Variants in NCALD observed in about 807,000 individuals in gnomAD.
The protein encoded by NCALD is neurocalcin-delta.
In NCALD, 10 loss-of-function variants were observed where a neutral mutation model predicts 18.6. That is an observed-to-expected ratio of 0.54 (90% confidence interval 0.33 to 0.91). NCALD has a LOEUF of 0.91. NCALD is among the 40% of genes least tolerant of loss of function. The probability of loss-of-function intolerance (pLI) is 0.03; values close to 1 mark genes in which losing one functional copy is unlikely to be tolerated. For missense variants in NCALD, 184 were observed against 247.6 expected (o/e 0.74, Z 1.72); for synonymous variants, 88 against 87.4 (o/e 1.01, Z -0.04).
chr8:101,701,086 A>G (rs951033500), intron 2 of NCALD, among the ~76,000 whole-genome samples: 3 of 152,218 alleles, frequency 2.0e-5, no homozygotes, highest in Admixed American at 6.5e-5. Context: ...ACGAGTCCCA[A>G]TGGCCCCCAG....
intron 3 of NCALD, among the ~76,000 whole-genome samples, chr8:101,901,798 CT>C (rs111894898): frequency 4.7e-5 from 7 of 148,780 alleles, no homozygotes; most frequent in Non-Finnish European, 6.0e-5. Flanking sequence ...CTTTTCTCTT[CT>C]TTTTTTTTTG....
At chr8:101,738,402 G>T (rs1319762774) in intron 1 of NCALD, among the ~76,000 whole-genome samples, 3 of 152,020 alleles carry the variant, frequency 2.0e-5, no homozygotes, top group African/African-American at 7.2e-5. Context: ...AAATTAGCTG[G>T]GCGTGGTGGC....
At chr8:101,905,215 A>G (rs998628425) in intron 3 of NCALD, among the ~76,000 whole-genome samples, 1 of 152,026 alleles carries the variant, frequency 6.6e-6, no homozygotes, top group Non-Finnish European at 1.5e-5. Flanking sequence ...CATGGCTTCT[A>G]TGATTATCTT....
chr8:101,999,909 C>A (rs950578907), intron 2 of NCALD, among the ~76,000 whole-genome samples: 2 of 152,026 alleles, frequency 1.3e-5, no homozygotes, highest in African/African-American at 4.8e-5. Flanking sequence ...GGGGGTGGAA[C>A]CAAGATGGCA....
intron 2 of NCALD, among the ~76,000 whole-genome samples, chr8:101,916,449 T>C (rs1817973621): frequency 6.6e-6 from 1 of 152,058 alleles, no homozygotes; most frequent in African/African-American, 2.4e-5. Flanking sequence ...ACAGACTCTA[T>C]AAAACAACTA....
At chr8:102,028,098 A>G (rs1822526438) in intron 1 of NCALD, among the ~76,000 whole-genome samples, 1 of 152,254 alleles carries the variant, frequency 6.6e-6, no homozygotes, top group Admixed American at 6.5e-5. Context: ...TAGGTGTAAT[A>G]ATGATACTGT....
In NCALD at chr8:101,691,215, T is replaced by C. The variant is rs545352944; in HGVS notation, c.484+1576A>G. The C allele has an allele frequency of 5.1e-6, 5 of 985,364 alleles. No individual in the cohort carries two copies. The African/African-American group carries it at 8.7e-5, about 17-fold the overall frequency. The allele number at this position is 985,364 out of a possible 1,614,324, so 61.0% of individuals were successfully genotyped here. ...AAGATTCCTCTGACAGCTGTGAACT[T>C]ACAGCCCCTCTTCCTCCTTCCTTCT... On this transcript the variant is annotated intron_variant, in intron 3 of 3. Coordinates refer to ENST00000220931, the MANE Select transcript of NCALD (RefSeq NM_032041.3).
At chr8:101,880,727 G>A (rs183998673) in intron 4 of NCALD, among the ~76,000 whole-genome samples, 2 of 152,320 alleles carry the variant, frequency 1.3e-5, no homozygotes, top group South Asian at 2.1e-4. Flanking sequence ...GAAAATTTGA[G>A]AATGTTTTGT....
Position 101,689,350 on chromosome 8 carries a change from G to A in NCALD, c.541C>T (p.Arg181Cys), listed in dbSNP as rs781227546. 5 of 1,613,416 alleles carry A rather than the reference G, an allele frequency of 3.1e-6. No individual in the cohort carries two copies. Among genetic ancestry groups the A allele is most frequent in the Non-Finnish European group, 4.2e-6 (5 of 1,179,708 alleles). The change falls in exon 4 of 4, where the codon CGC (arginine) becomes TGC (cysteine). Residue 181 changes from arginine (R) to cysteine (C), a missense_variant. Physicochemically the swap from Arg to Cys is radical, Grantham distance 180 (BLOSUM62 -3). Coordinates refer to ENST00000220931, the MANE Select transcript of NCALD (RefSeq NM_032041.3). The surrounding 1 kb of genome is among the most constrained non-coding windows in gnomAD (Gnocchi z 4.4). ...RGAKSDPSIVRLLQCDPSSAG... is the reference protein window; with the variant it reads ...RGAKSDPSIVCLLQCDPSSAG... ...CTGCTCGGGTCGCACTGCAGGAGGC[G>A]CACAATGGACGGGTCGCTTTTGGCT...
At chr8:102,096,773 T>G (rs1825116536) in intron 1 of NCALD, among the ~76,000 whole-genome samples, 1 of 152,348 alleles carries the variant, frequency 6.6e-6, no homozygotes, top group Non-Finnish European at 1.5e-5. Context: ...CTTGAGCCCC[T>G]GTGCTGGGGC....
chr8:101,883,778 A>G (rs1346969103), intron 4 of NCALD, among the ~76,000 whole-genome samples: 1 of 152,248 alleles, frequency 6.6e-6, no homozygotes, highest in Non-Finnish European at 1.5e-5. Flanking sequence ...GCAAAAACTT[A>G]GTATAAAACC....
chr8:102,050,412 C>T (rs972669310), intron 1 of NCALD, among the ~76,000 whole-genome samples: 11 of 150,754 alleles, frequency 7.3e-5, no homozygotes, highest in Non-Finnish European at 1.3e-4. Flanking sequence ...GTAATTGATA[C>T]TGCAAGGTGA....
intron 4 of NCALD, among the ~76,000 whole-genome samples, chr8:101,850,627 T>C (rs1815055205): frequency 6.6e-6 from 1 of 152,100 alleles, no homozygotes; most frequent in Non-Finnish European, 1.5e-5. Context: ...CATAATAAGG[T>C]AGAAGATATA....
intron 1 of NCALD, among the ~76,000 whole-genome samples, chr8:101,780,726 C>G (rs6468793): frequency 7.2e-5 from 11 of 152,168 alleles, no homozygotes; most frequent in Middle Eastern, 3.4e-3. Context: ...AAATTTTACA[C>G]GCATATTTTA....
intron 4 of NCALD, among the ~76,000 whole-genome samples, chr8:101,861,014 T>C (rs1229985855): frequency 2.0e-5 from 3 of 152,016 alleles, no homozygotes; most frequent in African/African-American, 7.3e-5. Flanking sequence ...GCCAAGGTAA[T>C]ATATTTAAAA....
At chr8:101,759,414 A>C (rs1811022091) in intron 1 of NCALD, among the ~76,000 whole-genome samples, 1 of 152,160 alleles carries the variant, frequency 6.6e-6, no homozygotes, top group Admixed American at 6.5e-5. Context: ...GGAGGAGGAA[A>C]GAGAGAGACA....
intron 2 of NCALD, among the ~76,000 whole-genome samples, chr8:101,922,976 C>T (rs1417644382): frequency 6.6e-6 from 1 of 152,046 alleles, no homozygotes; most frequent in African/African-American, 2.4e-5. Flanking sequence ...GAAAGTGAAA[C>T]TATGGACAAG....
chr8:101,994,748 A>G (rs935250745), intron 2 of NCALD, among the ~76,000 whole-genome samples: 2 of 152,348 alleles, frequency 1.3e-5, no homozygotes, highest in African/African-American at 4.8e-5. Flanking sequence ...CTCAATGATG[A>G]AATAGAATAG....
chr8:102,002,493 C>A (rs1462429517), intron 2 of NCALD, among the ~76,000 whole-genome samples: 2 of 152,234 alleles, frequency 1.3e-5, no homozygotes, highest in African/African-American at 4.8e-5. Flanking sequence ...ACAAGGATAT[C>A]CAGGAATTGA....
Sources: gnomAD v4.1 joint callset for allele counts (sites outside exome capture counted in the v4.1 genomes callset) on GRCh38, gnomAD v4.1.1 for gene constraint, Gnocchi (gnomAD v3.1) non-coding constraint, MANE v1.5 for transcripts, NCBI Gene and HGNC (gene_info 2026-07-23, HGNC 2026-07-21) for gene names.